The following NR2E1 variants were observed in gnomAD, a reference collection of about 807,000 sequenced individuals.
The protein encoded by NR2E1 is nuclear receptor TLX.
Under a neutral mutation model 43.6 loss-of-function variants are expected in NR2E1, and 5 were observed. The observed-to-expected ratio is 0.11, with a 90% confidence interval of 0.06 to 0.24. The LOEUF is 0.24. Ranked by LOEUF, NR2E1 falls within the 10% of genes least tolerant of loss-of-function variation. The probability of loss-of-function intolerance (pLI) is 1.00; values close to 1 mark genes in which losing one functional copy is unlikely to be tolerated. For missense variants in NR2E1, 287 were observed against 496.7 expected (o/e 0.58, Z 4.01); for synonymous variants, 191 against 195.5 (o/e 0.98, Z 0.19).
At chr6:108,172,612 A>G (rs571403176) in intron 2 of NR2E1, among the ~76,000 whole-genome samples, 1 of 152,328 alleles carries the variant, frequency 6.6e-6, no homozygotes, top group Admixed American at 6.5e-5. Flanking sequence ...CTGAGGGTGC[A>G]TTAGTCAGCA....
In NR2E1 at chr6:108,177,827, G is replaced by T. The variant is rs186329637; in HGVS notation, c.496-268G>T. On this transcript the variant is annotated intron_variant, in intron 4 of 8. Transcript: ENST00000368986. ...TGGCTCAGCCCAAGGAAAATTTGCT[G>T]CAGGGGATAGAAAAGCCAGAGGGCC... Among the ~76,000 whole-genome samples, 213 of 152,336 alleles carry T rather than the reference G, an allele frequency of 1.4e-3. 2 individuals carry two copies. Among genetic ancestry groups the T allele is most frequent in the Admixed American group, 3.5e-3 (54 of 15,302 alleles).
rs367602922 is a variant in NR2E1, at chr6:108,176,455, C to A, written c.260-48C>A. ...GGGGGGAGAGCCGCAGCGGCTGTGT[C>A]TCGACGTCTCTAATCGCCGGCATGC... On this transcript the variant is annotated intron_variant, in intron 3 of 8. Transcript: ENST00000368986. 42 of 1,581,208 alleles carry A rather than the reference C, an allele frequency of 2.7e-5. No homozygotes were observed. The African/African-American group carries it at 5.2e-4, about 20-fold the overall frequency.
intron 5 of NR2E1, 148 bp downstream of exon 5, chr6:108,178,389 G>C (rs1582447304): frequency 5.0e-6 from 4 of 793,560 alleles, no homozygotes; most frequent in Non-Finnish European, 8.6e-6. Context: ...GTTTTTACTT[G>C]CTTCTTCCTG....
intron 3 of NR2E1, among the ~76,000 whole-genome samples, chr6:108,175,757 CAGG>C (rs1025325966): frequency 3.9e-5 from 6 of 152,212 alleles, no homozygotes; most frequent in African/African-American, 1.4e-4. Flanking sequence ...GTGGCAGCTC[CAGG>C]AGGAGAGAGA....
At chr6:108,168,630 C>T (rs1257732453) in intron 1 of NR2E1, 1 of 153,394 alleles carries the variant, frequency 6.5e-6, no homozygotes, top group East Asian at 1.9e-4. Flanking sequence ...TTTCTCAGGC[C>T]CGCAGGACAG....
chr6:108,177,978 A>G, intron 4 of NR2E1, 117 bp from the exon 5 acceptor site: 1 of 1,144,648 alleles, frequency 8.7e-7, no homozygotes. Flanking sequence ...GTTTAAACAA[A>G]ACATCCAAAT....
intron 3 of NR2E1, 107 bp downstream of exon 3, chr6:108,175,030 C>A: frequency 9.5e-7 from 1 of 1,053,672 alleles, no homozygotes; most frequent in African/African-American, 1.6e-5. Context: ...CGGAGCGCTT[C>A]TTTCCAGATG....
At chr6:108,183,546 C>T (rs1292333998) in intron 8 of NR2E1, among the ~76,000 whole-genome samples, 1 of 152,066 alleles carries the variant, frequency 6.6e-6, no homozygotes, top group Non-Finnish European at 1.5e-5. Flanking sequence ...CAGCTATAGA[C>T]ACTGTGGGGG....
chr6:108,180,467 A>G lies in NR2E1; in HGVS notation c.739+48A>G. 8.0e-7 allele frequency: 1 copy of G among 1,252,448 alleles called. No individual in the cohort carries two copies. Among genetic ancestry groups the G allele is most frequent in the Non-Finnish European group, 1.2e-6 (1 of 850,020 alleles). 77.6% of individuals were successfully genotyped at this position (1,252,448 alleles called of 1,614,324 possible). A position where few individuals can be genotyped will look rare whatever the true frequency, so the allele number is the denominator to read the frequency against. Reference sequence around the variant, plus strand: ...ACTTTGTTGTAGAAATTACCATAAAAATACATTACTGAAAAAAGAACAACA... The same window carrying G: ...ACTTTGTTGTAGAAATTACCATAAAGATACATTACTGAAAAAAGAACAACA... On this transcript the variant is annotated intron_variant, in intron 6 of 8. Coordinates refer to ENST00000368986, the MANE Select transcript of NR2E1 (RefSeq NM_003269.5). This position sits in a 1 kb window ranked among gnomAD's most constrained non-coding sequence, Gnocchi z 5.4.
Position 108,176,783 on chromosome 6 carries a change from G to A in NR2E1, c.495+45G>A. 2.7e-6 allele frequency: 4 copies of A among 1,505,580 alleles called. 1 individual carries two copies. The South Asian group carries it at 4.8e-5, about 18-fold the overall frequency. The allele number at this position is 1,505,580 out of a possible 1,614,324, so 93.3% of individuals were successfully genotyped here. On this transcript the variant is annotated intron_variant, in intron 4 of 8. Coordinates refer to ENST00000368986, the MANE Select transcript of NR2E1 (RefSeq NM_003269.5). ...CCAAAGAGACTCGTGCCAGCGAATGGAGAGGGACGCACCCAGTTCTTCTGA... is the reference window on the plus strand; with the variant it reads ...CCAAAGAGACTCGTGCCAGCGAATGAAGAGGGACGCACCCAGTTCTTCTGA...
At chr6:108,175,424 A>G (rs1446628521) in intron 3 of NR2E1, among the ~76,000 whole-genome samples, 1 of 152,232 alleles carries the variant, frequency 6.6e-6, no homozygotes, top group African/African-American at 2.4e-5. Flanking sequence ...AGATGCCAAA[A>G]TCAGTACGGC....
intron 8 of NR2E1, among the ~76,000 whole-genome samples, chr6:108,184,256 T>C (rs1372768830): frequency 1.3e-5 from 2 of 152,168 alleles, no homozygotes; most frequent in Admixed American, 1.3e-4. Flanking sequence ...TTGTATGTCC[T>C]AACTGACCTT....
chr6:108,168,052 C>A lies in NR2E1; in HGVS notation c.25+1262C>A, dbSNP rs765051285. 5.6e-6 allele frequency: 9 copies of A among 1,601,372 alleles called. No individual in the cohort carries two copies. The Admixed American group carries it at 1.4e-4, about 24-fold the overall frequency. ...ATGTTTCGAGCTGGGGCAGAGGGAG[C>A]AGAGAAGGAGCCCTCACCGCGGCCG... On this transcript the variant is annotated intron_variant, in intron 1 of 8. Transcript: ENST00000368986.
intron 3 of NR2E1, among the ~76,000 whole-genome samples, chr6:108,175,420 C>T (rs777649970): frequency 3.3e-5 from 5 of 152,254 alleles, no homozygotes; most frequent in Non-Finnish European, 5.9e-5. Context: ...TCCAAGATGC[C>T]AAAATCAGTA....
At chr6:108,185,409 TACACACAC>T (rs3040212) in intron 8 of NR2E1, among the ~76,000 whole-genome samples, 18 of 146,894 alleles carry the variant, frequency 1.2e-4, no homozygotes, top group African/African-American at 4.4e-4. Flanking sequence ...CACACACACA[TACACACAC>T]ACACACACAC....
At chr6:108,173,911 G>A (rs1386785380) in intron 2 of NR2E1, among the ~76,000 whole-genome samples, 3 of 152,096 alleles carry the variant, frequency 2.0e-5, no homozygotes, top group Non-Finnish European at 4.4e-5. Flanking sequence ...ATTGCATTAG[G>A]TAAACATCTA....
chr6:108,178,307 A>G (rs1773932908), intron 5 of NR2E1, 66 bp downstream of exon 5: 1 of 1,576,766 alleles, frequency 6.3e-7, no homozygotes, highest in East Asian at 2.2e-5. Context: ...TCAGCCTTAT[A>G]AAACTTCCTC....
intron 1 of NR2E1, among the ~76,000 whole-genome samples, chr6:108,170,219 G>A (rs1773788307): frequency 6.6e-6 from 1 of 152,178 alleles, no homozygotes; most frequent in Non-Finnish European, 1.5e-5. Flanking sequence ...TTTCAGGGAG[G>A]CCTGAGGCCG....
rs1386196091 is a variant in NR2E1 at position 108,166,700 on chromosome 6, G to T, written c.-66G>T. ...CTGGAGAGCGGCGGCGCCCGGCGGC[G>T]AGGCGGGCGCTGCCGGCCGGGACTC... On this transcript the variant is annotated 5_prime_UTR_variant, in exon 1 of 9. Coordinates refer to ENST00000368986, the MANE Select transcript of NR2E1 (RefSeq NM_003269.5). This position sits in a 1 kb window ranked among gnomAD's most constrained non-coding sequence, Gnocchi z 7.2. The T allele has an allele frequency of 2.2e-6, 3 of 1,381,306 alleles. No homozygotes were observed. The highest frequency in any genetic ancestry group is 1.9e-6 in the Non-Finnish European group (2 of 1,053,006). The allele number at this position is 1,381,306 out of a possible 1,614,324, so 85.6% of individuals were successfully genotyped here.
Sources: gnomAD v4.1 joint callset for allele counts (sites outside exome capture counted in the v4.1 genomes callset) on GRCh38, gnomAD v4.1.1 for gene constraint, Gnocchi (gnomAD v3.1) non-coding constraint, MANE v1.5 for transcripts, NCBI Gene and HGNC (gene_info 2026-07-23, HGNC 2026-07-21) for gene names.